The following ZNF385B variants were observed in gnomAD, a reference collection of about 807,000 sequenced individuals.
ZNF385B encodes the protein zinc finger protein 385B, also known as zinc finger protein 533.
ZNF385B carries 23 observed loss-of-function variants against 39.2 expected under a neutral mutation model. The observed-to-expected ratio is 0.59, with a 90% CI of 0.42 to 0.83. The LOEUF is 0.83. Among genes scored for constraint, ZNF385B ranks in the 40% least tolerant of loss-of-function variants. ZNF385B has a pLI of 0.00. For synonymous variants in ZNF385B, 205 were observed against 222.6 expected (o/e 0.92, Z 0.70); for missense variants, 552 against 598.9 (o/e 0.92, Z 0.82).
At chr2:179,617,849 C>T (rs1689885111) in intron 3 of ZNF385B, among the ~76,000 whole-genome samples, 1 of 152,068 alleles carries the variant, frequency 6.6e-6, no homozygotes, top group Admixed American at 6.5e-5. Flanking sequence ...AATTTTCAAC[C>T]CTTCTAGAGA....
chr2:179,461,095 GAACA>G (rs1446200328), intron 6 of ZNF385B, among the ~76,000 whole-genome samples: 1 of 152,092 alleles, frequency 6.6e-6, no homozygotes, highest in Non-Finnish European at 1.5e-5. Context: ...CTTGAAGCGG[GAACA>G]AACAAGGACA....
intron 1 of ZNF385B, among the ~76,000 whole-genome samples, chr2:179,825,881 C>G (rs1433293769): frequency 1.3e-5 from 2 of 152,158 alleles, no homozygotes; most frequent in Non-Finnish European, 2.9e-5. Context: ...CAACTTTCTT[C>G]CCGTTTACCA....
At chr2:179,807,168 G>A (rs1220810565) in intron 1 of ZNF385B, among the ~76,000 whole-genome samples, 35 of 152,152 alleles carry the variant, frequency 2.3e-4, no homozygotes, top group Non-Finnish European at 1.5e-5. Flanking sequence ...TTATATAAAT[G>A]TCTATAAGTG....
At chr2:179,594,435 T>C (rs1687825904) in intron 3 of ZNF385B, among the ~76,000 whole-genome samples, 1 of 152,220 alleles carries the variant, frequency 6.6e-6, no homozygotes, top group South Asian at 2.1e-4. Flanking sequence ...CTTTTTTGCG[T>C]ATGTTACAGC....
At chr2:179,747,858 A>G (rs1192063480) in intron 3 of ZNF385B, among the ~76,000 whole-genome samples, 1 of 152,124 alleles carries the variant, frequency 6.6e-6, no homozygotes, top group Admixed American at 6.6e-5. Context: ...AATCAGACAC[A>G]TTAACATTCT....
chr2:179,445,091 G>A, intron 8 of ZNF385B, 114 bp from the exon 9 acceptor site: 1 of 859,276 alleles, frequency 1.2e-6, no homozygotes, highest in East Asian at 2.5e-5. Flanking sequence ...GTTCCACGAT[G>A]GTGTGGGTAA....
intron 7 of ZNF385B, among the ~76,000 whole-genome samples, chr2:179,446,280 G>A (rs1234665817): frequency 6.6e-6 from 1 of 152,114 alleles, no homozygotes; most frequent in African/African-American, 2.4e-5. Flanking sequence ...ATCAAAATGA[G>A]TTTTGGACAG....
At chr2:179,855,583 A>G (rs747657041) in intron 1 of ZNF385B, among the ~76,000 whole-genome samples, 7 of 152,192 alleles carry the variant, frequency 4.6e-5, no homozygotes, top group South Asian at 2.1e-4. Flanking sequence ...GTATCAGTAT[A>G]TATACTTTCT....
At chr2:179,649,457 G>C (rs939741136) in intron 3 of ZNF385B, among the ~76,000 whole-genome samples, 2 of 152,118 alleles carry the variant, frequency 1.3e-5, no homozygotes, top group Non-Finnish European at 2.9e-5. Context: ...CAGGGTGATA[G>C]GGTAACTCAC....
chr2:179,516,317 A>G (rs535118859), intron 5 of ZNF385B, among the ~76,000 whole-genome samples: 1 of 152,028 alleles, frequency 6.6e-6, no homozygotes, highest in Non-Finnish European at 1.5e-5. Flanking sequence ...CATATGGGAA[A>G]CGTATGTACA....
intron 3 of ZNF385B, among the ~76,000 whole-genome samples, chr2:179,745,097 T>G (rs139686035): frequency 6.6e-5 from 10 of 152,300 alleles, no homozygotes; most frequent in African/African-American, 2.2e-4. Flanking sequence ...ACACACTTCA[T>G]GAAGAAATAC....
intron 3 of ZNF385B, among the ~76,000 whole-genome samples, chr2:179,669,280 A>T (rs1695593534): frequency 6.6e-6 from 1 of 152,194 alleles, no homozygotes; most frequent in Admixed American, 6.5e-5. Flanking sequence ...CGGACCCTTT[A>T]ATCACAGACT....
At chr2:179,758,279 T>C (rs1703167852) in intron 3 of ZNF385B, among the ~76,000 whole-genome samples, 1 of 152,192 alleles carries the variant, frequency 6.6e-6, no homozygotes, top group Admixed American at 6.5e-5. Context: ...CTCACAGTTA[T>C]GAAGGCTAAG....
At chr2:179,490,524 G>A (rs1188419333) in intron 5 of ZNF385B, among the ~76,000 whole-genome samples, 1 of 151,904 alleles carries the variant, frequency 6.6e-6, no homozygotes, top group African/African-American at 2.4e-5. Flanking sequence ...CAGAAACATG[G>A]AGAAGTTATA....
intron 1 of ZNF385B, among the ~76,000 whole-genome samples, chr2:179,841,544 T>C (rs1210163709): frequency 1.3e-5 from 2 of 152,234 alleles, no homozygotes; most frequent in Non-Finnish European, 2.9e-5. Context: ...CTCAGCACTA[T>C]TGATATTTTG....
intron 3 of ZNF385B, among the ~76,000 whole-genome samples, chr2:179,698,181 T>TAA (rs34737779): frequency 3.1e-4 from 46 of 148,658 alleles, no homozygotes; most frequent in Middle Eastern, 3.5e-3. Context: ...AAAGTATAAT[T>TAA]AAAAAAAAAA....
chr2:179,702,658 C>T (rs959192264), intron 3 of ZNF385B, among the ~76,000 whole-genome samples: 4 of 152,126 alleles, frequency 2.6e-5, no homozygotes, highest in Non-Finnish European at 4.4e-5. Context: ...AAATAGTCTC[C>T]ACAGGTTACA....
At chr2:179,474,301 C>A (rs556282932) in intron 6 of ZNF385B, among the ~76,000 whole-genome samples, 44 of 152,084 alleles carry the variant, frequency 2.9e-4, no homozygotes, top group African/African-American at 1.1e-3. Context: ...GATGGACAGC[C>A]CGAGTGAGAC....
At chr2:179,767,804 C>T (rs1215647370) in intron 3 of ZNF385B, among the ~76,000 whole-genome samples, 1 of 151,822 alleles carries the variant, frequency 6.6e-6, no homozygotes, top group Non-Finnish European at 1.5e-5. Context: ...TTTTTAATGA[C>T]TATGGTATTT....
Sources: gnomAD v4.1 joint callset for allele counts (sites outside exome capture counted in the v4.1 genomes callset) on GRCh38, gnomAD v4.1.1 for gene constraint, MANE v1.5 for transcripts, NCBI Gene and HGNC (gene_info 2026-07-23, HGNC 2026-07-21) for gene names.